Variants in LRRC4C observed in about 807,000 individuals in gnomAD.
The protein encoded by LRRC4C is leucine rich repeat containing 4C, also known as leucine-rich repeat-containing protein 4C.
A neutral mutation model predicts 33.6 loss-of-function variants in LRRC4C; 5 were observed. The observed-to-expected ratio is 0.15, with a 90% CI of 0.08 to 0.31. The LOEUF (loss-of-function observed/expected upper bound fraction) is 0.31. LRRC4C is among the 10% of genes least tolerant of loss of function. LRRC4C has a pLI of 1.00. For missense variants in LRRC4C, 560 were observed against 796.7 expected (o/e 0.70, Z 3.58); for synonymous variants, 329 against 302.0 (o/e 1.09, Z -0.93).
intron 2 of LRRC4C, among the ~76,000 whole-genome samples, chr11:40,712,137 TA>T (rs398055196): frequency 6.9e-6 from 1 of 145,964 alleles, no homozygotes; most frequent in African/African-American, 2.5e-5. Context: ...CTGACTTAAT[TA>T]AAGTTTTCTT....
chr11:41,082,427 C>CTTTTTT (rs537908452), intron 1 of LRRC4C, among the ~76,000 whole-genome samples: 1 of 114,924 alleles, frequency 8.7e-6, no homozygotes, highest in Non-Finnish European at 1.8e-5. Context: ...AAATCTCACG[C>CTTTTTT]TTTTTTTTTT....
chr11:41,436,325 T>A, intron 1 of LRRC4C, among the ~76,000 whole-genome samples: 1 of 152,248 alleles, frequency 6.6e-6, no homozygotes, highest in East Asian at 1.9e-4. Flanking sequence ...TCTGTTAAGA[T>A]AAACATACAC....
chr11:40,530,758 A>G (rs1186769934), intron 3 of LRRC4C, among the ~76,000 whole-genome samples: 1 of 152,168 alleles, frequency 6.6e-6, no homozygotes, highest in Non-Finnish European at 1.5e-5. Flanking sequence ...ATACAAAGTA[A>G]GAACTGGTAT....
intron 1 of LRRC4C, among the ~76,000 whole-genome samples, chr11:41,385,665 A>T (rs2137938634): frequency 6.6e-6 from 1 of 151,778 alleles, no homozygotes; most frequent in African/African-American, 2.4e-5. Flanking sequence ...AGAAAATTTT[A>T]AAAACACTAA....
chr11:40,900,108 TC>T (rs1456672708), intron 2 of LRRC4C, among the ~76,000 whole-genome samples: 1 of 152,164 alleles, frequency 6.6e-6, no homozygotes, highest in African/African-American at 2.4e-5. Context: ...CAGTTGGCAT[TC>T]TTATACTAAT....
intron 2 of LRRC4C, among the ~76,000 whole-genome samples, chr11:40,914,064 C>T (rs973484782): frequency 1.3e-5 from 2 of 151,940 alleles, no homozygotes; most frequent in African/African-American, 4.8e-5. Context: ...AATAGCTTAC[C>T]AACCAAAAAA....
intron 3 of LRRC4C, among the ~76,000 whole-genome samples, chr11:40,639,336 C>T (rs886064319): frequency 3.3e-5 from 5 of 152,186 alleles, no homozygotes; most frequent in Non-Finnish European, 7.3e-5. Flanking sequence ...AGAGAATATT[C>T]TACACTTCTC....
intron 2 of LRRC4C, among the ~76,000 whole-genome samples, chr11:40,665,457 T>G (rs752210746): frequency 1.0e-4 from 15 of 147,908 alleles, no homozygotes; most frequent in Non-Finnish European, 2.1e-4. Flanking sequence ...GATTCCATAT[T>G]CTATTTCTAT....
intron 1 of LRRC4C, among the ~76,000 whole-genome samples, chr11:41,272,690 G>T (rs72894529): frequency 1.3e-5 from 2 of 152,248 alleles, no homozygotes; most frequent in Non-Finnish European, 2.9e-5. Flanking sequence ...CTTGTCGCTT[G>T]AGAAAATAAA....
intron 1 of LRRC4C, among the ~76,000 whole-genome samples, chr11:41,420,671 A>C (rs1368580948): frequency 6.6e-6 from 1 of 152,052 alleles, no homozygotes; most frequent in East Asian, 1.9e-4. Context: ...TCCAGGATCC[A>C]GAGCCAGATT....
intron 1 of LRRC4C, among the ~76,000 whole-genome samples, chr11:41,401,657 A>C (rs778622689): frequency 3.3e-4 from 50 of 152,084 alleles, no homozygotes; most frequent in Non-Finnish European, 1.8e-4. Flanking sequence ...TGATTTTGAA[A>C]GACTGGAACA....
chr11:41,309,511 A>G (rs1950591900), intron 1 of LRRC4C, among the ~76,000 whole-genome samples: 1 of 152,158 alleles, frequency 6.6e-6, no homozygotes, highest in Non-Finnish European at 1.5e-5. Context: ...TCCATTTTAC[A>G]TCTATCAGCC....
At chr11:41,330,758 T>G (rs955818818) in intron 1 of LRRC4C, among the ~76,000 whole-genome samples, 2 of 151,952 alleles carry the variant, frequency 1.3e-5, no homozygotes, top group African/African-American at 4.8e-5. Flanking sequence ...TATGCATACG[T>G]TTTATAAGAT....
chr11:41,411,929 G>C (rs1210935132), intron 1 of LRRC4C, among the ~76,000 whole-genome samples: 1 of 152,190 alleles, frequency 6.6e-6, no homozygotes, highest in Non-Finnish European at 1.5e-5. Context: ...GCCAGGACAG[G>C]CTCCAGCCAC....
At chr11:40,164,281 A>C (rs574094605) in intron 5 of LRRC4C, among the ~76,000 whole-genome samples, 1 of 152,322 alleles carries the variant, frequency 6.6e-6, no homozygotes, top group East Asian at 1.9e-4. Context: ...TACACAATGG[A>C]ATATTATCCA....
chr11:41,177,395 C>T (rs1187103341), intron 1 of LRRC4C, among the ~76,000 whole-genome samples: 2 of 152,090 alleles, frequency 1.3e-5, no homozygotes, highest in African/African-American at 4.8e-5. Flanking sequence ...TACTGAGAGT[C>T]CAAGTTGGTA....
chr11:40,739,542 T>C (rs1948058756), intron 2 of LRRC4C, among the ~76,000 whole-genome samples: 1 of 152,028 alleles, frequency 6.6e-6, no homozygotes, highest in Non-Finnish European at 1.5e-5. Flanking sequence ...ATATATGTAA[T>C]ATGGTTAGAC....
chr11:40,272,419 G>T (rs1199553965), intron 4 of LRRC4C, among the ~76,000 whole-genome samples: 2 of 152,094 alleles, frequency 1.3e-5, no homozygotes, highest in African/African-American at 4.8e-5. Flanking sequence ...TAGATAATAA[G>T]GCAGCTATGA....
At position 40,115,081 on chromosome 11, in the gene LRRC4C, A is replaced by G. The variant is rs781165318; in HGVS notation, c.1212T>C (p.Ala404=). 6.2e-7 allele frequency: 1 copy of G among 1,614,106 alleles called. No homozygotes were observed. The highest frequency in any genetic ancestry group is 1.3e-5 in the African/African-American group (1 of 74,928). ...AATTTAACGTACCATCACTGAGCAC[A>G]GCTATCCGCACTTTGTACGCCCCAT... ...MTHGAYKVRI[A]VLSDGTLNFT... Residue 404 remains alanine, a synonymous_variant, in exon 7 of 7, where the codon GCT becomes GCC. Transcript: ENST00000528697. This position sits in a 1 kb window ranked among gnomAD's most constrained non-coding sequence, Gnocchi z 6.7.
Sources: allele counts gnomAD v4.1 joint callset (sites outside exome capture counted in the v4.1 genomes callset), GRCh38; gene constraint gnomAD v4.1.1; non-coding constraint Gnocchi (gnomAD v3.1); transcripts MANE v1.5; gene names NCBI Gene and HGNC (gene_info 2026-07-23, HGNC 2026-07-21).